ECT2L: variants seen among roughly 807,000 people sequenced by gnomAD.
The protein encoded by ECT2L is epithelial cell-transforming sequence 2 oncogene-like.
In ECT2L, 126 loss-of-function variants were observed where a neutral mutation model predicts 122.8. The observed-to-expected ratio is 1.03, with a 90% confidence interval of 0.89 to 1.19. The LOEUF (loss-of-function observed/expected upper bound fraction) is 1.19, where lower values mean the gene tolerates loss of function less well. Among genes scored for constraint, ECT2L ranks in the 50% most tolerant of loss-of-function variants. The pLI, the probability that ECT2L is intolerant of heterozygous loss-of-function variation, is 0.00. For synonymous variants in ECT2L, 385 were observed against 381.8 expected, an observed-to-expected ratio of 1.01 and a Z score of -0.10; for missense variants, 1,012 against 1,064.1, an observed-to-expected ratio of 0.95 and a Z score of 0.68.
chr6:138,812,349 A>C (rs1244695283), intron 1 of ECT2L, among the ~76,000 whole-genome samples: 1 of 152,260 alleles, frequency 6.6e-6, no homozygotes, highest in Non-Finnish European at 1.5e-5. Context: ...GAACCACAGA[A>C]GCTTTGAAAT....
chr6:138,836,392 G>T (rs1478115915), intron 4 of ECT2L, among the ~76,000 whole-genome samples: 1 of 150,410 alleles, frequency 6.6e-6, no homozygotes, highest in Non-Finnish European at 1.5e-5. Flanking sequence ...ATGTTCAAGC[G>T]ATTCTCCTGC....
At chr6:138,857,909 C>T (rs1399900257) in intron 10 of ECT2L, among the ~76,000 whole-genome samples, 2 of 152,040 alleles carry the variant, frequency 1.3e-5, no homozygotes, top group Non-Finnish European at 2.9e-5. Flanking sequence ...TCTGCAGGGC[C>T]GGGGAAGCAA....
At chr6:138,801,445 TTG>T (rs1306439040) in intron 1 of ECT2L, among the ~76,000 whole-genome samples, 1 of 152,104 alleles carries the variant, frequency 6.6e-6, no homozygotes, top group Non-Finnish European at 1.5e-5. Context: ...CTTAATTTTG[TTG>T]TAGCCAAAAA....
chr6:138,884,137 A>AT (rs1448721361), intron 16 of ECT2L, among the ~76,000 whole-genome samples: 3 of 151,442 alleles, frequency 2.0e-5, no homozygotes, highest in African/African-American at 4.8e-5. Flanking sequence ...AAGTGCTGGG[A>AT]TTACAGGTGT....
chr6:138,841,659 A>T (rs1433147954), intron 5 of ECT2L, among the ~76,000 whole-genome samples: 3 of 152,188 alleles, frequency 2.0e-5, no homozygotes, highest in Admixed American at 6.5e-5. Flanking sequence ...TCTCAGCCTA[A>T]CAAGCTTTGC....
At chr6:138,892,452 C>T (rs1779061954) in intron 20 of ECT2L, among the ~76,000 whole-genome samples, 1 of 152,066 alleles carries the variant, frequency 6.6e-6, no homozygotes, top group Non-Finnish European at 1.5e-5. Flanking sequence ...AGTTTTGATG[C>T]TTGCCCTGTC....
intron 8 of ECT2L, among the ~76,000 whole-genome samples, chr6:138,847,261 TCAAAACAAAA>T (rs201708049): frequency 1.4e-5 from 2 of 145,706 alleles, no homozygotes; most frequent in Non-Finnish European, 3.0e-5. Context: ...AGACACTGTC[TCAAAACAAAA>T]CAAAACAAAA....
intron 14 of ECT2L, among the ~76,000 whole-genome samples, chr6:138,880,421 C>T (rs1778605800): frequency 6.6e-6 from 1 of 152,200 alleles, no homozygotes; most frequent in Non-Finnish European, 1.5e-5. Flanking sequence ...CATGACTCCA[C>T]TTCTTAATAC....
At chr6:138,891,268 A>G (rs1779014200) in intron 20 of ECT2L, among the ~76,000 whole-genome samples, 1 of 152,182 alleles carries the variant, frequency 6.6e-6, no homozygotes, top group African/African-American at 2.4e-5. Context: ...ACCTCAAAAT[A>G]TATTTATTTG....
intron 20 of ECT2L, 125 bp from the exon 21 acceptor site, chr6:138,900,823 C>T: frequency 2.0e-6 from 2 of 1,016,418 alleles, no homozygotes; most frequent in Non-Finnish European, 2.8e-6. Context: ...CTTCAACCAG[C>T]CATTCAAAAT....
At chr6:138,878,215 A>C (rs1049108131) in intron 14 of ECT2L, among the ~76,000 whole-genome samples, 3 of 152,174 alleles carry the variant, frequency 2.0e-5, no homozygotes, top group Non-Finnish European at 4.4e-5. Context: ...AAAACGTTAT[A>C]AAATGTGCCC....
chr6:138,873,501 AAGACCC>A (rs2128403442), intron 13 of ECT2L, among the ~76,000 whole-genome samples: 1 of 152,244 alleles, frequency 6.6e-6, no homozygotes, highest in East Asian at 1.9e-4. Context: ...AATTGCTTTA[AAGACCC>A]TTCCAGCCGG....
intron 9 of ECT2L, among the ~76,000 whole-genome samples, chr6:138,850,334 AG>A (rs764938856): frequency 3.3e-5 from 5 of 151,998 alleles, no homozygotes; most frequent in Non-Finnish European, 7.4e-5. Context: ...TAGTAGAGAC[AG>A]GGTTCCACTA....
chr6:138,886,276 T>A (rs983068466), intron 18 of ECT2L, among the ~76,000 whole-genome samples: 7 of 152,202 alleles, frequency 4.6e-5, no homozygotes, highest in African/African-American at 1.7e-4. Context: ...ATATTATTAT[T>A]ATATTGTGCA....
chr6:138,901,115 C>CAAGTG lies in ECT2L; in HGVS notation c.2582_2583insAAGTG (p.Lys862SerfsTer24). The CAAGTG allele has an allele frequency of 6.2e-7, 1 of 1,613,828 alleles. No homozygotes were observed. Among genetic ancestry groups the CAAGTG allele is most frequent in the Non-Finnish European group, 8.5e-7 (1 of 1,179,864 alleles). On this transcript the variant is annotated frameshift_variant, in exon 21 of 22. Transcript: ENST00000541398. LOFTEE classifies it high-confidence loss of function. ...TTACTCATAGAAAATATTCCAGATT[C>CAAGTG]CAAGTGTATGTATTCTTTTCCTTCC... is the stretch of plus-strand genomic sequence containing the variant.
At chr6:138,885,042 T>C (rs1260755989) in intron 16 of ECT2L, among the ~76,000 whole-genome samples, 1 of 146,052 alleles carries the variant, frequency 6.8e-6, no homozygotes, top group African/African-American at 2.6e-5. Flanking sequence ...TTTTTTTTTT[T>C]TTTTGAGATG....
chr6:138,869,563 C>T (rs1582638087), intron 13 of ECT2L, among the ~76,000 whole-genome samples: 1 of 152,180 alleles, frequency 6.6e-6, no homozygotes. Context: ...AGGCCTTTGG[C>T]GAGCCTTGCT....
chr6:138,889,722 T>C (rs1014606206), intron 20 of ECT2L, among the ~76,000 whole-genome samples: 1 of 152,228 alleles, frequency 6.6e-6, no homozygotes, highest in Non-Finnish European at 1.5e-5. Flanking sequence ...CAGATAGTTA[T>C]TGAGGTCAGT....
intron 14 of ECT2L, among the ~76,000 whole-genome samples, chr6:138,878,719 T>C (rs1000437181): frequency 1.2e-4 from 18 of 152,208 alleles, no homozygotes; most frequent in Non-Finnish European, 1.9e-4. Flanking sequence ...GGTGCTGGGA[T>C]TACAGGCATG....
Sources: gnomAD v4.1 joint callset for allele counts (sites outside exome capture counted in the v4.1 genomes callset) on GRCh38, gnomAD v4.1.1 for gene constraint, MANE v1.5 for transcripts, NCBI Gene and HGNC (gene_info 2026-07-23, HGNC 2026-07-21) for gene names.